ATOX1: variants seen among roughly 807,000 people sequenced by gnomAD.
ATOX1 encodes the protein copper transport protein ATOX1.
Under a neutral mutation model 7.3 loss-of-function variants are expected in ATOX1, and 4 were observed. That is an observed-to-expected ratio of 0.55 (90% CI 0.27 to 1.25). The LOEUF is 1.25. Among genes scored for constraint, ATOX1 ranks in the 50% most tolerant of loss-of-function variants. The pLI, the probability that ATOX1 is intolerant of heterozygous loss-of-function variation, is 0.12. For missense variants in ATOX1, 68 were observed against 81.6 expected (o/e 0.83, Z 0.64); for synonymous variants, 25 against 28.7 (o/e 0.87, Z 0.41).
chr5:151,756,303 C>T (rs1449445506), intron 1 of ATOX1, among the ~76,000 whole-genome samples: 2 of 152,044 alleles, frequency 1.3e-5, no homozygotes, highest in African/African-American at 2.4e-5. Flanking sequence ...CACACACTCA[C>T]GGTGATTCGG....
chr5:151,751,630 C>T (rs1001129012), intron 2 of ATOX1, 74 bp downstream of exon 2: 1 of 1,484,112 alleles, frequency 6.7e-7, no homozygotes, highest in African/African-American at 1.4e-5. Flanking sequence ...CAGCTTAACC[C>T]TAAGTCTCTC....
chr5:151,751,720 G>T lies in ATOX1; in HGVS notation c.66C>A (p.Val22=). ...CTCACTCACCTCCAAGCTTATTGAG[G>T]ACCCGAGAGACAGCTTCAGCACAGC... is the stretch of plus-strand genomic sequence containing the variant. ...CGGCAEAVSR[V]LNKLGGVKYD... is the part of the protein sequence containing the mutation. Residue 22 remains valine, a synonymous_variant, in exon 2 of 4, where the codon GTC becomes GTA. Coordinates refer to ENST00000313115, the MANE Select transcript of ATOX1 (RefSeq NM_004045.4). The T allele has an allele frequency of 6.2e-7, 1 of 1,607,434 alleles. No homozygotes were observed. The highest frequency in any genetic ancestry group is 8.5e-7 in the Non-Finnish European group (1 of 1,177,220).
intron 2 of ATOX1, among the ~76,000 whole-genome samples, chr5:151,748,142 C>T (rs1191215923): frequency 6.6e-6 from 1 of 152,188 alleles, no homozygotes; most frequent in Non-Finnish European, 1.5e-5. Flanking sequence ...CAAAATCGCC[C>T]TCCTAAATGG....
chr5:151,754,980 CAAAAAAAAAAAAA>C (rs79359321), intron 1 of ATOX1, among the ~76,000 whole-genome samples: 1 of 48,890 alleles, frequency 2.0e-5, no homozygotes, highest in Non-Finnish European at 4.4e-5. Context: ...AGACACCGTC[CAAAAAAAAAAAAA>C]AAAAAAAAGA....
At chr5:151,756,780 G>C (rs1762023307) in intron 1 of ATOX1, among the ~76,000 whole-genome samples, 1 of 152,152 alleles carries the variant, frequency 6.6e-6, no homozygotes, top group Non-Finnish European at 1.5e-5. Context: ...GGCCTCACCT[G>C]CCTATAGCTC....
chr5:151,750,557 T>C (rs915813837), intron 2 of ATOX1, among the ~76,000 whole-genome samples: 10 of 150,616 alleles, frequency 6.6e-5, no homozygotes, highest in Non-Finnish European at 1.5e-4. Context: ...AAAATTAATT[T>C]AAATTTTTTT....
intron 3 of ATOX1, chr5:151,744,115 G>T (rs1482145049): frequency 6.6e-6 from 1 of 152,202 alleles, no homozygotes; most frequent in Non-Finnish European, 1.5e-5. Context: ...ATCCAGAGTA[G>T]CAGAAAGCAA....
In ATOX1 at chr5:151,746,280, T is replaced by G; in HGVS notation, c.*45A>C. On this transcript the variant is annotated splice_region_variant and 3_prime_UTR_variant, in exon 3 of 4. Coordinates refer to ENST00000313115, the MANE Select transcript of ATOX1 (RefSeq NM_004045.4). ...AGCAAGTGCTGGGGCCTTACCCACC[T>G]GCCCCCTTTGGTCCATCCTGTGGGC... 1 of 1,608,656 alleles carries G rather than the reference T, an allele frequency of 6.2e-7. No homozygotes were observed. Among genetic ancestry groups the G allele is most frequent in the East Asian group, 2.2e-5 (1 of 44,792 alleles).
Position 151,753,444 on chromosome 5 carries a change from G to A in ATOX1, c.7-1665C>T, listed in dbSNP as rs28917190. Among the ~76,000 whole-genome samples, 297 of 152,248 alleles carry A rather than the reference G, an allele frequency of 2.0e-3. 3 individuals carry two copies. Among genetic ancestry groups the A allele is most frequent in the African/African-American group, 6.9e-3 (287 of 41,552 alleles). On this transcript the variant is annotated intron_variant, in intron 1 of 3. Coordinates refer to ENST00000313115, the MANE Select transcript of ATOX1 (RefSeq NM_004045.4). ...TCCGTTGGGTAAAAGGTTAGCTATT[G>A]GATTATTAATTTCTTCCATTTGTCT...
In ATOX1 at chr5:151,758,608, T is replaced by C. The variant is rs1282881422; in HGVS notation, c.-57A>G. 5 of 1,372,734 alleles carry C rather than the reference T, an allele frequency of 3.6e-6. No individual in the cohort carries two copies. The allele number at this position is 1,372,734 out of a possible 1,614,324, so 85.0% of individuals were successfully genotyped here. A position where few individuals can be genotyped will look rare whatever the true frequency, so the allele number is the denominator to read the frequency against. ...GGCGGCGGTGTCAGCAGCGCCTCTC[T>C]GGATTCGGAGGGCGGGTTCGGCTGC... On this transcript the variant is annotated 5_prime_UTR_variant, in exon 1 of 4. Coordinates refer to ENST00000313115, the MANE Select transcript of ATOX1 (RefSeq NM_004045.4).
chr5:151,758,471 C>G, intron 1 of ATOX1, 75 bp downstream of exon 1: 1 of 1,442,218 alleles, frequency 6.9e-7, no homozygotes, highest in Non-Finnish European at 9.2e-7. Flanking sequence ...GATCAGCATC[C>G]GGTCAAGCGG....
intron 1 of ATOX1, among the ~76,000 whole-genome samples, chr5:151,757,040 G>A (rs1381897912): frequency 2.6e-5 from 4 of 152,110 alleles, no homozygotes; most frequent in African/African-American, 4.8e-5. Context: ...CAAACCCTGT[G>A]CTCTCGGGCA....
intron 2 of ATOX1, among the ~76,000 whole-genome samples, chr5:151,746,925 G>A (rs935367904): frequency 6.6e-6 from 1 of 152,046 alleles, no homozygotes; most frequent in African/African-American, 2.4e-5. Flanking sequence ...GTAGAGACAG[G>A]GTTTTGTCAT....
In ATOX1 at chr5:151,751,710, G is replaced by A. The variant is rs754514276; in HGVS notation, c.76C>T (p.Leu26Phe). ...AEAVSRVLNK[L>F]GGVKYDIDLP... is the part of the protein sequence containing the mutation. Reference sequence around the variant, plus strand: ...CTCAGGGCCACTCACTCACCTCCAAGCTTATTGAGGACCCGAGAGACAGCT... The same window carrying A: ...CTCAGGGCCACTCACTCACCTCCAAACTTATTGAGGACCCGAGAGACAGCT... The change falls in exon 2 of 4, where the codon CTT becomes TTT. Residue 26 changes from leucine to phenylalanine, a missense_variant. By Grantham distance (22) the Leu-to-Phe change is conservative. Transcript: ENST00000313115. 8.1e-6 allele frequency: 13 copies of A among 1,605,680 alleles called. No individual in the cohort carries two copies. The African/African-American group carries it at 1.7e-4, about 21-fold the overall frequency.
At chr5:151,757,664 A>G (rs901843816) in intron 1 of ATOX1, among the ~76,000 whole-genome samples, 1 of 152,144 alleles carries the variant, frequency 6.6e-6, no homozygotes, top group Non-Finnish European at 1.5e-5. Flanking sequence ...CCAAGATGCA[A>G]CTGAGATCAG....
At chr5:151,751,124 T>C (rs1181619000) in intron 2 of ATOX1, among the ~76,000 whole-genome samples, 3 of 151,698 alleles carry the variant, frequency 2.0e-5, no homozygotes, top group Non-Finnish European at 4.4e-5. Context: ...GGCGTGGTGG[T>C]GCATGCCTGT....
chr5:151,756,201 C>T (rs1762014591), intron 1 of ATOX1, among the ~76,000 whole-genome samples: 1 of 152,016 alleles, frequency 6.6e-6, no homozygotes, highest in South Asian at 2.1e-4. Flanking sequence ...CTTAGCCTCC[C>T]AAAGTGCTGG....
At chr5:151,753,230 C>T (rs776157540) in intron 1 of ATOX1, among the ~76,000 whole-genome samples, 12 of 152,222 alleles carry the variant, frequency 7.9e-5, no homozygotes, top group Non-Finnish European at 1.6e-4. Context: ...CAGCCAACAT[C>T]TCACTGCAGC....
intron 1 of ATOX1, chr5:151,752,384 T>G: frequency 1.4e-6 from 1 of 701,366 alleles, no homozygotes; most frequent in South Asian, 1.5e-5. Context: ...GGTTCCCCAG[T>G]GGGTTGGAGG....
Sources: gnomAD v4.1 joint callset for allele counts (sites outside exome capture counted in the v4.1 genomes callset) on GRCh38, gnomAD v4.1.1 for gene constraint, MANE v1.5 for transcripts, NCBI Gene and HGNC (gene_info 2026-07-23, HGNC 2026-07-21) for gene names.